NEB: variants seen among roughly 807,000 people sequenced by gnomAD.
NEB encodes nebulin.
NEB carries 512 observed loss-of-function variants against 952.2 expected under a neutral mutation model. The observed-to-expected ratio is 0.54, with a 90% confidence interval of 0.50 to 0.58. The LOEUF is 0.58. Among genes scored for constraint, NEB ranks in the 20% least tolerant of loss-of-function variants. The probability of loss-of-function intolerance (pLI) is 0.00; values close to 1 mark genes in which losing one functional copy is unlikely to be tolerated. For missense variants in NEB, 8,428 were observed against 9,231.1 expected, an observed-to-expected ratio of 0.91 and a Z score of 3.56; for synonymous variants, 2,900 against 3,149.8, an observed-to-expected ratio of 0.92 and a Z score of 2.66.
rs1384951849 is a variant in NEB at position 151,568,056 on chromosome 2, A to G, written c.17844+15T>C. 1.2e-6 allele frequency: 2 copies of G among 1,605,156 alleles called. No individual in the cohort carries two copies. Among genetic ancestry groups the G allele is most frequent in the South Asian group, 2.2e-5 (2 of 90,190 alleles). On this transcript the variant is annotated intron_variant, in intron 113 of 181. Transcript: ENST00000397345. ...TCCCACTTTTGCAAAATGCACTCCC[A>G]TCAGGATGTATTACCTCACTCTGAA...
chr2:151,672,611 G>A lies in NEB; in HGVS notation c.4057C>T (p.Pro1353Ser). Residue 1353 changes from proline (P) to serine (S), a missense_variant, in exon 37 of 182, where the codon CCC (proline) becomes TCC (serine). Pro to Ser is a moderately conservative substitution (Grantham distance 74, BLOSUM62 -1). Coordinates refer to ENST00000397345, the MANE Select transcript of NEB (RefSeq NM_001164508.2). ...HVGFRSLQDD[P>S]KLVHYMNVAK... ...ACATTCATATAGTGGACCAGCTTGG[G>A]ATCATCCTGGAGGCTTCTGAAACCC... 6.2e-7 allele frequency: 1 copy of A among 1,613,968 alleles called. No individual in the cohort carries two copies. Among genetic ancestry groups the A allele is most frequent in the Non-Finnish European group, 8.5e-7 (1 of 1,179,878 alleles).
At chr2:151,581,410 C>T (rs1160310878) in intron 103 of NEB, 73 bp downstream of exon 103, 6 of 445,826 alleles carry the variant, frequency 1.3e-5, no homozygotes, top group Non-Finnish European at 2.3e-5. Flanking sequence ...GACAAACTCT[C>T]TTTGGGGTGT....
rs769145449 is a variant in NEB, at chr2:151,610,619, A to C, written c.11915T>G (p.Leu3972Arg). The C allele has an allele frequency of 2.4e-5, 38 of 1,609,138 alleles. No homozygotes were observed. Among genetic ancestry groups the C allele is most frequent in the Admixed American group, 1.7e-5 (1 of 59,978 alleles). ...KSNSANISQKLYTKGWDESKM... is the reference protein window; with the variant it reads ...KSNSANISQKRYTKGWDESKM... ...TGATTCATCCCATCCCTTGGTGTAA[A>C]GTTTCTAGGGAAGGGATAATAGACG... Residue 3972 changes from leucine to arginine, a missense_variant, in exon 80 of 182, where the codon CTT becomes CGT. Physicochemically the swap from Leu to Arg is moderately radical, Grantham distance 102. Transcript: ENST00000397345.
chr2:151,624,198 A>G (rs533080752), intron 71 of NEB, among the ~76,000 whole-genome samples: 14 of 152,224 alleles, frequency 9.2e-5, no homozygotes, highest in African/African-American at 3.1e-4. Flanking sequence ...GATGAGTGCA[A>G]TTTTGCTACA....
At chr2:151,522,423 G>C (rs1217324143) in intron 153 of NEB, among the ~76,000 whole-genome samples, 1 of 152,192 alleles carries the variant, frequency 6.6e-6, no homozygotes, top group African/African-American at 2.4e-5. Context: ...GAGATTCTCA[G>C]TTTGTTTTCA....
chr2:151,510,773 G>A (rs978023700), intron 161 of NEB, among the ~76,000 whole-genome samples: 4 of 152,152 alleles, frequency 2.6e-5, no homozygotes, highest in African/African-American at 9.7e-5. Flanking sequence ...GTAATTTCAG[G>A]CATCCACTAG....
Position 151,496,607 on chromosome 2 carries a change from A to G in NEB, c.24394-239T>C, listed in dbSNP as rs193058425. Among the ~76,000 whole-genome samples, 26 of 152,280 alleles carry G rather than the reference A, an allele frequency of 1.7e-4. No individual in the cohort carries two copies. The East Asian group carries it at 3.7e-3, about 21-fold the overall frequency. ...TGGGGAAAGGCTGTCAGAGTTATCC[A>G]TGTTATTTTTTTTCATTTTTGTGAG... On this transcript the variant is annotated intron_variant, in intron 172 of 181. Transcript: ENST00000397345.
At chr2:151,673,964 T>G (rs1459928560) in intron 36 of NEB, among the ~76,000 whole-genome samples, 1 of 152,156 alleles carries the variant, frequency 6.6e-6, no homozygotes, top group African/African-American at 2.4e-5. Flanking sequence ...GGCCAAAATT[T>G]TGTTTTTCAA....
intron 28 of NEB, 99 bp downstream of exon 28, chr2:151,684,679 C>T (rs773761138): frequency 8.6e-7 from 1 of 1,158,786 alleles, no homozygotes; most frequent in South Asian, 1.8e-5. Flanking sequence ...TAGGACAATG[C>T]AGATACCTCT....
intron 113 of NEB, 54 bp from the exon 114 acceptor site, chr2:151,567,533 A>AG: frequency 6.7e-7 from 1 of 1,495,106 alleles, no homozygotes; most frequent in Non-Finnish European, 9.0e-7. Flanking sequence ...CACAAGGCAG[A>AG]GGGGGCTTGA....
intron 117 of NEB, 133 bp downstream of exon 117, chr2:151,564,911 G>T: frequency 1.8e-6 from 1 of 566,108 alleles, no homozygotes; most frequent in Non-Finnish European, 3.1e-6. Flanking sequence ...TAATACACAA[G>T]ACTAAGTGCA....
Position 151,610,905 on chromosome 2 carries a change from G to A in NEB, c.11806-39C>T. The A allele has an allele frequency of 2.3e-6, 3 of 1,312,780 alleles. No individual in the cohort carries two copies. The South Asian group carries it at 4.3e-5, about 19-fold the overall frequency. 81.3% of individuals were successfully genotyped at this position (1,312,780 alleles called of 1,614,324 possible). ...CGGCATGGGGCATGGGGAGAGGGAGGGAGTATAAGACCTTCTGTTAAAGCC... is the reference window on the plus strand; with the variant it reads ...CGGCATGGGGCATGGGGAGAGGGAGAGAGTATAAGACCTTCTGTTAAAGCC... On this transcript the variant is annotated intron_variant, in intron 78 of 181. Transcript: ENST00000397345.
rs879117192 is a variant in NEB, at chr2:151,496,676, G to A, written c.24393+265C>T. Among the ~76,000 whole-genome samples the A allele has an allele frequency of 3.3e-5, 5 of 152,122 alleles. No individual in the cohort carries two copies. The South Asian group carries it at 1.0e-3, about 32-fold the overall frequency. ...ATCACATGAGGATTTGAGACTGTTA[G>A]AACTCAGTGTTGTTATCCACACAAA... On this transcript the variant is annotated intron_variant, in intron 172 of 181. Coordinates refer to ENST00000397345, the MANE Select transcript of NEB (RefSeq NM_001164508.2).
rs763193315 is a variant in NEB at position 151,498,260 on chromosome 2, C to T, written c.24207G>A (p.Ser8069=). 30 of 1,550,934 alleles carry T rather than the reference C, an allele frequency of 1.9e-5. No homozygotes were observed. Among genetic ancestry groups the T allele is most frequent in the East Asian group, 2.4e-5 (1 of 40,910 alleles). Residue 8069 remains serine, a splice_region_variant and synonymous_variant, in exon 170 of 182, where the codon TCG becomes TCA. Transcript: ENST00000397345. ...RVKHNQENLS[S]VLYKENMGKG... ...TTTTTCCCCTTTCTTTCCAAAATACCGAGCTAAGGTTTTCTTGATTGTGTT... is the reference window on the plus strand; with the variant it reads ...TTTTTCCCCTTTCTTTCCAAAATACTGAGCTAAGGTTTTCTTGATTGTGTT...
chr2:151,570,541 T>C lies in NEB; in HGVS notation c.17074A>G (p.Ile5692Val). The C allele has an allele frequency of 6.2e-7, 1 of 1,611,404 alleles. No homozygotes were observed. The highest frequency in any genetic ancestry group is 8.5e-7 in the Non-Finnish European group (1 of 1,178,948). The change falls in exon 108 of 182, where the codon ATC becomes GTC. Residue 5692 changes from isoleucine (I) to valine (V), a missense_variant. Around this residue, in one of 11 missense-constraint regions of NEB, gnomAD observed 3,374 missense variants for 3,651.5 expected, o/e 0.92. Transcript: ENST00000397345. ...GAGGCCTTGGCAGCCTGGATGGGGA[T>C]GGCATCCAGCCGGACATCACAGCCC... ...KAGCDVRLDA[I>V]PIQAAKASRE...
intron 38 of NEB, among the ~76,000 whole-genome samples, chr2:151,669,437 C>T (rs971855218): frequency 6.6e-6 from 1 of 152,292 alleles, no homozygotes; most frequent in South Asian, 2.1e-4. Flanking sequence ...ATGTAAACTA[C>T]AAACTATCAC....
chr2:151,650,523 C>T, intron 53 of NEB, 51 bp downstream of exon 53: 3 of 1,493,698 alleles, frequency 2.0e-6, no homozygotes, highest in Non-Finnish European at 2.7e-6. Flanking sequence ...AATAGCTACT[C>T]ATATAAAATA....
At chr2:151,509,171 GT>G (rs1314215365) in intron 161 of NEB, among the ~76,000 whole-genome samples, 1 of 152,104 alleles carries the variant, frequency 6.6e-6, no homozygotes, top group Non-Finnish European at 1.5e-5. Flanking sequence ...CAAACAAGCA[GT>G]TTCAGCCAAT....
chr2:151,654,792 A>T (rs996648893), intron 51 of NEB, among the ~76,000 whole-genome samples: 1 of 152,150 alleles, frequency 6.6e-6, no homozygotes, highest in East Asian at 1.9e-4. Context: ...AGTACTATAC[A>T]TCTCAAAAAT....
Sources: allele counts gnomAD v4.1 joint callset (sites outside exome capture counted in the v4.1 genomes callset), GRCh38; gene constraint gnomAD v4.1.1; regional missense constraint gnomAD v4.1.1; transcripts MANE v1.5; gene names NCBI Gene and HGNC (gene_info 2026-07-23, HGNC 2026-07-21).